UGDH: variants seen among roughly 807,000 people sequenced by gnomAD.
UGDH encodes UDP-Glc dehydrogenase.
In UGDH, 38 loss-of-function variants were observed where a neutral mutation model predicts 50.6. The observed-to-expected ratio is 0.75, with a 90% confidence interval of 0.58 to 0.98. The LOEUF (loss-of-function observed/expected upper bound fraction) is 0.98. UGDH is among the 50% of genes least tolerant of loss of function. The pLI, the probability that UGDH is intolerant of heterozygous loss-of-function variation, is 0.00. For missense variants in UGDH, 465 were observed against 606.2 expected (o/e 0.77, Z 2.45); for synonymous variants, 168 against 199.9 (o/e 0.84, Z 1.35).
intron 1 of UGDH, 59 bp downstream of exon 1, chr4:39,527,224 C>G: frequency 1.1e-6 from 1 of 920,866 alleles, no homozygotes; most frequent in South Asian, 1.5e-5. Flanking sequence ...CTCCACATCC[C>G]GCCCAGACCT....
chr4:39,521,059 G>A (rs1285145822), intron 2 of UGDH, among the ~76,000 whole-genome samples: 3 of 121,396 alleles, frequency 2.5e-5, no homozygotes, highest in Middle Eastern at 5.7e-3. Context: ...GACAGAGGAA[G>A]ACTCCGTCTC....
chr4:39,509,929 GAAGAGT>G (rs1406407830), intron 5 of UGDH, 22 bp from the exon 6 acceptor site: 1 of 1,568,594 alleles, frequency 6.4e-7, no homozygotes, highest in Non-Finnish European at 8.6e-7. Context: ...AAAACATAGA[GAAGAGT>G]AAGATAAGCT....
At chr4:39,502,299 C>G (rs948693579) in intron 11 of UGDH, among the ~76,000 whole-genome samples, 2 of 152,202 alleles carry the variant, frequency 1.3e-5, no homozygotes, top group Non-Finnish European at 1.5e-5. Context: ...GAAGAGTTCA[C>G]AGACAAGGAT....
At chr4:39,525,999 C>G (rs563056676) in intron 1 of UGDH, among the ~76,000 whole-genome samples, 15 of 152,180 alleles carry the variant, frequency 9.9e-5, no homozygotes, top group Non-Finnish European at 1.6e-4. Context: ...AATAAACATT[C>G]CAACCCAGAA....
chr4:39,503,935 G>C lies in UGDH; in HGVS notation c.1314C>G (p.Ile438Met). Residue 438 changes from isoleucine to methionine, a missense_variant, in exon 11 of 12, where the codon ATC (isoleucine) becomes ATG (methionine). By Grantham distance (10) the Ile-to-Met change is conservative. Coordinates refer to ENST00000316423, the MANE Select transcript of UGDH (RefSeq NM_003359.4). ...IHKKMLKPAF[I>M]FDGRRVLDGL... ...CATCCAGGACACGCCGTCCATCGAAGATAAAGGCTGGCTTTAGCATTTTTT... is the reference window on the plus strand; with the variant it reads ...CATCCAGGACACGCCGTCCATCGAACATAAAGGCTGGCTTTAGCATTTTTT... The C allele has an allele frequency of 6.2e-7, 1 of 1,614,182 alleles. No homozygotes were observed. Among genetic ancestry groups the C allele is most frequent in the Non-Finnish European group, 8.5e-7 (1 of 1,180,016 alleles).
At chr4:39,506,799 C>G (rs1216791335) in intron 7 of UGDH, among the ~76,000 whole-genome samples, 6 of 152,254 alleles carry the variant, frequency 3.9e-5, no homozygotes, top group Admixed American at 3.9e-4. Flanking sequence ...ACACAATGAA[C>G]AGTGAGATAA....
rs565350545 is a variant in UGDH, at chr4:39,510,341, C to T, written c.663+12G>A. On this transcript the variant is annotated intron_variant, in intron 5 of 11. Coordinates refer to ENST00000316423, the MANE Select transcript of UGDH (RefSeq NM_003359.4). ...CTTTAATTTAATGAAGAGTTGAATGCTATATACTAACCAGTTTGGAAAGCT... is the reference window on the plus strand; with the variant it reads ...CTTTAATTTAATGAAGAGTTGAATGTTATATACTAACCAGTTTGGAAAGCT... 2.5e-6 allele frequency: 4 copies of T among 1,613,784 alleles called. No individual in the cohort carries two copies. The highest frequency in any genetic ancestry group is 3.4e-6 in the Non-Finnish European group (4 of 1,179,788).
intron 2 of UGDH, among the ~76,000 whole-genome samples, chr4:39,516,053 T>G (rs547138210): frequency 6.6e-6 from 1 of 152,280 alleles, no homozygotes; most frequent in African/African-American, 2.4e-5. Flanking sequence ...AACCAATAGA[T>G]ACTGGTTGAA....
chr4:39,521,597 TTTATAA>T, intron 1 of UGDH, 78 bp from the exon 2 acceptor site: 1 of 1,207,976 alleles, frequency 8.3e-7, no homozygotes, highest in Non-Finnish European at 1.1e-6. Flanking sequence ...TTAATTATAC[TTTATAA>T]AAACTGTCAA....
At chr4:39,514,657 C>T (rs1018987358) in intron 2 of UGDH, among the ~76,000 whole-genome samples, 34 of 150,658 alleles carry the variant, frequency 2.3e-4, no homozygotes, top group African/African-American at 7.3e-4. Context: ...AGGAGTGAGC[C>T]ACCATGCCCA....
At chr4:39,521,866 G>C (rs1490095553) in intron 1 of UGDH, among the ~76,000 whole-genome samples, 1 of 152,220 alleles carries the variant, frequency 6.6e-6, no homozygotes, top group Non-Finnish European at 1.5e-5. Context: ...AACTTTGATT[G>C]CTGAGAGAAA....
chr4:39,522,153 A>G (rs1456688071), intron 1 of UGDH, among the ~76,000 whole-genome samples: 4 of 152,246 alleles, frequency 2.6e-5, no homozygotes, highest in East Asian at 1.9e-4. Context: ...AAGCTGTTAC[A>G]CAGATTTTTT....
At chr4:39,512,745 G>A (rs1004755803) in intron 3 of UGDH, among the ~76,000 whole-genome samples, 3 of 151,794 alleles carry the variant, frequency 2.0e-5, no homozygotes, top group African/African-American at 7.3e-5. Context: ...TTTAAATAGG[G>A]GATGGGTAGG....
intron 3 of UGDH, among the ~76,000 whole-genome samples, chr4:39,512,338 G>T (rs914674828): frequency 6.6e-6 from 1 of 152,178 alleles, no homozygotes; most frequent in Non-Finnish European, 1.5e-5. Flanking sequence ...ATCAAAACTT[G>T]AAGATTGAGT....
chr4:39,521,642 C>T, intron 1 of UGDH, 123 bp from the exon 2 acceptor site: 1 of 792,960 alleles, frequency 1.3e-6, no homozygotes, highest in Non-Finnish European at 1.8e-6. Context: ...AGATTTCCTA[C>T]ATTCGCTCTG....
chr4:39,503,050 G>A (rs1045630062), intron 11 of UGDH, among the ~76,000 whole-genome samples: 1 of 152,188 alleles, frequency 6.6e-6, no homozygotes, highest in Non-Finnish European at 1.5e-5. Flanking sequence ...CAAAGTAGCT[G>A]GGATTACAGG....
chr4:39,509,988 G>T, intron 5 of UGDH, 81 bp from the exon 6 acceptor site: 1 of 1,439,264 alleles, frequency 6.9e-7, no homozygotes, highest in South Asian at 1.4e-5. Flanking sequence ...TCATTGCGTT[G>T]ACGCAAATTA....
chr4:39,522,222 A>G (rs905742623), intron 1 of UGDH, among the ~76,000 whole-genome samples: 4 of 152,236 alleles, frequency 2.6e-5, no homozygotes, highest in African/African-American at 4.8e-5. Flanking sequence ...TTTCAAAAGC[A>G]TTAGGTGAAC....
At chr4:39,523,923 C>T (rs2109950166) in intron 1 of UGDH, among the ~76,000 whole-genome samples, 1 of 152,254 alleles carries the variant, frequency 6.6e-6, no homozygotes, top group Middle Eastern at 3.4e-3. Context: ...ATCTACTTTG[C>T]TATCCCCTAC....
Sources: gnomAD v4.1 joint callset for allele counts (sites outside exome capture counted in the v4.1 genomes callset) on GRCh38, gnomAD v4.1.1 for gene constraint, MANE v1.5 for transcripts, NCBI Gene and HGNC (gene_info 2026-07-23, HGNC 2026-07-21) for gene names.